Variants in CCDC178 observed in about 807,000 individuals in gnomAD.
The protein encoded by CCDC178 is coiled-coil domain-containing protein 178.
In CCDC178, 126 loss-of-function variants were observed where a neutral mutation model predicts 117.4. The ratio of observed to expected loss-of-function variants is 1.07; its 90% CI spans 0.93 to 1.24. CCDC178 has a LOEUF of 1.24. Ranked by LOEUF, CCDC178 falls within the 50% of genes most tolerant of loss-of-function variation. CCDC178 has a pLI of 0.00. For synonymous variants in CCDC178, 283 were observed against 313.4 expected, an observed-to-expected ratio of 0.90 and a Z score of 1.02; for missense variants, 1,030 against 986.9, an observed-to-expected ratio of 1.04 and a Z score of -0.59.
At chr18:33,275,453 T>C (rs1261102740) in intron 12 of CCDC178, among the ~76,000 whole-genome samples, 1 of 151,786 alleles carries the variant, frequency 6.6e-6, no homozygotes, top group East Asian at 1.9e-4. Context: ...AATCTGAATT[T>C]ATTTAAAAGT....
chr18:33,135,682 C>A (rs2058116586), intron 20 of CCDC178, among the ~76,000 whole-genome samples: 1 of 152,032 alleles, frequency 6.6e-6, no homozygotes, highest in Non-Finnish European at 1.5e-5. Context: ...GCGGTTTCAC[C>A]AATGCTATTG....
At chr18:33,199,088 A>G (rs1475967765) in intron 20 of CCDC178, among the ~76,000 whole-genome samples, 2 of 152,014 alleles carry the variant, frequency 1.3e-5, no homozygotes, top group African/African-American at 4.8e-5. Flanking sequence ...AAGCTTAGCT[A>G]TATTTTATCC....
chr18:33,287,566 G>C (rs1054329608), intron 12 of CCDC178, among the ~76,000 whole-genome samples: 1 of 151,970 alleles, frequency 6.6e-6, no homozygotes, highest in East Asian at 1.9e-4. Context: ...ATCACCTGAG[G>C]TCAGGAGTTC....
intron 21 of CCDC178, among the ~76,000 whole-genome samples, chr18:32,988,118 T>TAATCATAATCATAATAAA (rs1320760752): frequency 2.2e-4 from 29 of 132,882 alleles, no homozygotes; most frequent in African/African-American, 8.0e-4. Flanking sequence ...ATAATAATAA[T>TAATCATAATCATAATAAA]AAATTTATCA....
intron 21 of CCDC178, among the ~76,000 whole-genome samples, chr18:33,073,980 TG>T (rs2057159593): frequency 6.6e-6 from 1 of 151,982 alleles, no homozygotes; most frequent in African/African-American, 2.4e-5. Context: ...TCGAAGCATC[TG>T]GAAATTCAAG....
intron 11 of CCDC178, among the ~76,000 whole-genome samples, chr18:33,303,466 T>G (rs1339460683): frequency 6.6e-6 from 1 of 152,134 alleles, no homozygotes; most frequent in Non-Finnish European, 1.5e-5. Flanking sequence ...ACATCATGAG[T>G]GAGCTCTATT....
intron 10 of CCDC178, among the ~76,000 whole-genome samples, chr18:33,325,262 T>G (rs1387500394): frequency 6.6e-6 from 1 of 151,938 alleles, no homozygotes; most frequent in African/African-American, 2.4e-5. Context: ...ATGAATACAT[T>G]TTAAGCATCA....
chr18:33,078,917 C>G (rs1214261222), intron 21 of CCDC178, among the ~76,000 whole-genome samples: 1 of 152,130 alleles, frequency 6.6e-6, no homozygotes, highest in Non-Finnish European at 1.5e-5. Context: ...TTCACAGAAC[C>G]AGGAAAAACT....
intron 14 of CCDC178, among the ~76,000 whole-genome samples, chr18:33,248,269 TTTTTTTA>T (rs1029513691): frequency 6.6e-6 from 1 of 151,862 alleles, no homozygotes; most frequent in Non-Finnish European, 1.5e-5. Flanking sequence ...AGCCTTTATT[TTTTTTTA>T]TTTTTATTTT....
At chr18:33,095,785 C>T (rs960328356) in intron 20 of CCDC178, among the ~76,000 whole-genome samples, 2 of 151,256 alleles carry the variant, frequency 1.3e-5, no homozygotes, top group African/African-American at 4.9e-5. Context: ...TATATATATA[C>T]ACACTTTTAA....
intron 21 of CCDC178, among the ~76,000 whole-genome samples, chr18:33,054,193 C>A (rs904058864): frequency 6.6e-6 from 1 of 152,156 alleles, no homozygotes; most frequent in Non-Finnish European, 1.5e-5. Context: ...GAGTTCACTT[C>A]GCAATAAATA....
intron 20 of CCDC178, among the ~76,000 whole-genome samples, chr18:33,143,490 T>C (rs2058233928): frequency 6.6e-6 from 1 of 152,158 alleles, no homozygotes; most frequent in Non-Finnish European, 1.5e-5. Flanking sequence ...TGTAAACAGA[T>C]TATGACTAAA....
chr18:33,055,113 T>C (rs2056807879), intron 21 of CCDC178, among the ~76,000 whole-genome samples: 2 of 152,196 alleles, frequency 1.3e-5, no homozygotes, highest in Non-Finnish European at 2.9e-5. Context: ...TGCCTACTTT[T>C]TAATGCTTTT....
At chr18:33,122,909 C>T (rs1473899315) in intron 20 of CCDC178, among the ~76,000 whole-genome samples, 1 of 152,122 alleles carries the variant, frequency 6.6e-6, no homozygotes, top group Non-Finnish European at 1.5e-5. Flanking sequence ...TCAAATTTCT[C>T]ATAGGTACCG....
chr18:33,154,952 C>A lies in CCDC178; in HGVS notation c.2238+56944G>T, dbSNP rs151334725. ...AGTGGGAGATTTCAACACCTCTTGT[C>A]CAGTAATTGATAGAATACCAAAAAA... is the stretch of plus-strand genomic sequence containing the variant. On this transcript the variant is annotated intron_variant, in intron 20 of 22. Transcript: ENST00000383096. Among the ~76,000 whole-genome samples, 822 of 152,118 alleles carry A rather than the reference C, an allele frequency of 5.4e-3. 5 individuals are homozygous for A. The highest frequency in any genetic ancestry group is 0.01 in the Middle Eastern group (3 of 294).
chr18:33,149,035 C>G (rs1326118234), intron 20 of CCDC178, among the ~76,000 whole-genome samples: 2 of 152,164 alleles, frequency 1.3e-5, no homozygotes, highest in Non-Finnish European at 2.9e-5. Flanking sequence ...TATTTAAGAG[C>G]TAGTTTGCCA....
At chr18:33,408,731 G>C (rs1052810344) in intron 3 of CCDC178, among the ~76,000 whole-genome samples, 62 of 152,040 alleles carry the variant, frequency 4.1e-4, no homozygotes, top group Non-Finnish European at 1.9e-4. Flanking sequence ...TTCTCTGCCT[G>C]TTATACAGAA....
Position 33,126,997 on chromosome 18 carries a change from A to ATATATAT in CCDC178, c.2239-34088_2239-34087insATATATA, listed in dbSNP as rs1555647859. Among the ~76,000 whole-genome samples, 603 of 141,146 alleles carry ATATATAT rather than the reference A, an allele frequency of 4.3e-3. 8 individuals are homozygous for ATATATAT. The highest frequency in any genetic ancestry group is 0.016 in the African/African-American group (582 of 36,850). The allele number at this position is 141,146 out of a possible 152,430, so 92.6% of individuals were successfully genotyped here. A position where few individuals can be genotyped will look rare whatever the true frequency, so the allele number is the denominator to read the frequency against. On this transcript the variant is annotated intron_variant, in intron 20 of 22. Transcript: ENST00000383096. The stretch of plus-strand genomic sequence containing the variant: ...TATCTGCATTTGGTTAAAAAAAAAA[A>ATATATAT]ATATATATATATATATATACACACA...
intron 19 of CCDC178, among the ~76,000 whole-genome samples, chr18:33,214,727 T>C (rs367643933): frequency 6.6e-6 from 1 of 152,046 alleles, no homozygotes; most frequent in Admixed American, 6.6e-5. Context: ...AAATAAGTTT[T>C]ACTCTATGAT....
Sources: allele counts gnomAD v4.1 joint callset (sites outside exome capture counted in the v4.1 genomes callset), GRCh38; gene constraint gnomAD v4.1.1; transcripts MANE v1.5; gene names NCBI Gene and HGNC (gene_info 2026-07-23, HGNC 2026-07-21).